The following STIM1 variants were observed in gnomAD, a reference collection of about 807,000 sequenced individuals.
STIM1 encodes stromal interaction molecule 1.
A neutral mutation model predicts 74.7 loss-of-function variants in STIM1; 25 were observed. The ratio of observed to expected loss-of-function variants is 0.33; its 90% CI spans 0.24 to 0.47. The LOEUF is 0.47. STIM1 is among the 20% of genes least tolerant of loss of function. The pLI is 1.00. For synonymous variants in STIM1, 328 were observed against 348.8 expected (o/e 0.94, Z 0.66); for missense variants, 728 against 920.8 (o/e 0.79, Z 2.71).
At chr11:3,964,983 C>G (rs550388639) in intron 1 of STIM1, among the ~76,000 whole-genome samples, 4 of 152,268 alleles carry the variant, frequency 2.6e-5, no homozygotes, top group Non-Finnish European at 5.9e-5. Context: ...CTTCAGCCTC[C>G]CAAAGTGCTG....
intron 9 of STIM1, 68 bp from the exon 10 acceptor site, chr11:4,083,195 A>G: frequency 6.6e-7 from 1 of 1,506,938 alleles, no homozygotes. Flanking sequence ...TTCCTCTGAG[A>G]AGAGGCTTCA....
intron 1 of STIM1, among the ~76,000 whole-genome samples, chr11:3,907,140 C>T (rs1418432477): frequency 6.6e-6 from 1 of 152,092 alleles, no homozygotes; most frequent in African/African-American, 2.4e-5. Flanking sequence ...CAATTATCTC[C>T]AATACCTTAA....
Position 4,059,408 on chromosome 11 carries a change from G to T in STIM1, c.613+12G>T. The T allele has an allele frequency of 6.2e-7, 1 of 1,609,218 alleles. No homozygotes were observed. Among genetic ancestry groups the T allele is most frequent in the African/African-American group, 1.3e-5 (1 of 74,940 alleles). On this transcript the variant is annotated intron_variant, in intron 5 of 12. Transcript: ENST00000526596. ...TGGGCCTCCTCTCTGTGAGTCTTGTGTTGAGAAGGGCTACTGCTGTGCCAT... is the reference window on the plus strand; with the variant it reads ...TGGGCCTCCTCTCTGTGAGTCTTGTTTTGAGAAGGGCTACTGCTGTGCCAT...
chr11:3,996,488 G>A (rs2093664506), intron 2 of STIM1, among the ~76,000 whole-genome samples: 1 of 152,174 alleles, frequency 6.6e-6, no homozygotes, highest in Admixed American at 6.5e-5. Context: ...AGGTAGCTGG[G>A]GGAAGGATCA....
intron 5 of STIM1, among the ~76,000 whole-genome samples, chr11:4,066,471 A>T (rs2094366067): frequency 1.3e-5 from 2 of 152,050 alleles, no homozygotes; most frequent in Non-Finnish European, 2.9e-5. Flanking sequence ...CTGTGCTAAG[A>T]GTATGGGGCT....
chr11:3,873,186 C>T (rs935391409), intron 1 of STIM1, among the ~76,000 whole-genome samples: 6 of 151,964 alleles, frequency 3.9e-5, no homozygotes, highest in Admixed American at 6.6e-5. Flanking sequence ...GAGGCCAAGG[C>T]GGGTGGATCA....
chr11:4,012,903 A>G (rs143050227), intron 2 of STIM1, among the ~76,000 whole-genome samples: 3,499 of 152,292 alleles, frequency 0.023, 61 homozygotes, highest in Middle Eastern at 0.071. Flanking sequence ...TGTTCCATCA[A>G]TACCTAGTTT....
intron 1 of STIM1, among the ~76,000 whole-genome samples, chr11:3,940,887 A>G (rs2092996748): frequency 1.3e-5 from 2 of 152,184 alleles, no homozygotes; most frequent in East Asian, 1.9e-4. Context: ...CCATATGCAT[A>G]TATTTATATT....
At chr11:3,895,675 C>CTTTCT (rs1565104868) in intron 1 of STIM1, among the ~76,000 whole-genome samples, 6 of 49,182 alleles carry the variant, frequency 1.2e-4, no homozygotes, top group Admixed American at 4.3e-4. Flanking sequence ...TCTTTCTTTC[C>CTTTCT]TTCCTTCCTT....
intron 2 of STIM1, among the ~76,000 whole-genome samples, chr11:3,995,429 A>T (rs2093654541): frequency 6.6e-6 from 1 of 152,130 alleles, no homozygotes; most frequent in African/African-American, 2.4e-5. Context: ...GGACTTTGGT[A>T]TGCCCACAGT....
intron 1 of STIM1, among the ~76,000 whole-genome samples, chr11:3,906,161 G>T (rs535740599): frequency 6.6e-6 from 1 of 152,236 alleles, no homozygotes; most frequent in Non-Finnish European, 1.5e-5. Flanking sequence ...CAAACTACTC[G>T]TGAGGAATTG....
At chr11:3,904,461 C>G (rs947575683) in intron 1 of STIM1, among the ~76,000 whole-genome samples, 1 of 151,912 alleles carries the variant, frequency 6.6e-6, no homozygotes, top group Non-Finnish European at 1.5e-5. Context: ...GGCCAGATCC[C>G]GAATGACCTT....
At chr11:4,085,179 C>T (rs965562588) in intron 11 of STIM1, among the ~76,000 whole-genome samples, 3 of 151,282 alleles carry the variant, frequency 2.0e-5, no homozygotes, top group Non-Finnish European at 4.4e-5. Context: ...TCTTCAGCCT[C>T]TCTTTCGTAC....
chr11:3,971,320 G>A (rs1227821244), intron 2 of STIM1, among the ~76,000 whole-genome samples: 1 of 151,868 alleles, frequency 6.6e-6, no homozygotes, highest in Non-Finnish European at 1.5e-5. Context: ...ACGAGGTCAG[G>A]AGATTGAGAC....
At position 4,059,311 on chromosome 11, in the gene STIM1, G is replaced by A. The variant is rs1590681695; in HGVS notation, c.528G>A (p.Gly176=). Residue 176 remains glycine (G), a synonymous_variant, in exon 5 of 13, where the codon GGG becomes GGA. Transcript: ENST00000526596. ...CTGTCACCAACACCACCATGACAGG[G>A]ACTGTGCTGAAGATGACAGACCGGA... ...RLAVTNTTMT[G]TVLKMTDRSH... is the part of the protein sequence containing the mutation. 1 of 1,614,108 alleles carries A rather than the reference G, an allele frequency of 6.2e-7. No homozygotes were observed. The highest frequency in any genetic ancestry group is 8.5e-7 in the Non-Finnish European group (1 of 1,179,994).
chr11:3,932,686 A>G (rs12796324), intron 1 of STIM1, among the ~76,000 whole-genome samples: 1 of 142,432 alleles, frequency 7.0e-6, no homozygotes, highest in Non-Finnish European at 1.6e-5. Context: ...AAAAAAAAAA[A>G]GAAAAGAAAA....
chr11:3,950,714 C>T (rs2093136064), intron 1 of STIM1, among the ~76,000 whole-genome samples: 1 of 152,132 alleles, frequency 6.6e-6, no homozygotes, highest in Non-Finnish European at 1.5e-5. Flanking sequence ...CAACTTCAAA[C>T]TGCTGGGCTC....
intron 2 of STIM1, among the ~76,000 whole-genome samples, chr11:4,008,195 A>G (rs1424987531): frequency 3.3e-5 from 5 of 152,022 alleles, no homozygotes; most frequent in South Asian, 4.2e-4. Context: ...CTGTGTTACA[A>G]CTCCCTACAA....
intron 1 of STIM1, among the ~76,000 whole-genome samples, chr11:3,918,458 C>G (rs901352775): frequency 6.6e-6 from 1 of 151,640 alleles, no homozygotes; most frequent in Non-Finnish European, 1.5e-5. Flanking sequence ...TGAGCTTGAG[C>G]CTGGGAGGTC....
Sources: gnomAD v4.1 joint callset for allele counts (sites outside exome capture counted in the v4.1 genomes callset) on GRCh38, gnomAD v4.1.1 for gene constraint, MANE v1.5 for transcripts, NCBI Gene and HGNC (gene_info 2026-07-23, HGNC 2026-07-21) for gene names.